Variants in PRDM16 observed in about 807,000 individuals in gnomAD.
The protein encoded by PRDM16 is histone-lysine N-methyltransferase PRDM16.
In PRDM16, 23 loss-of-function variants were observed where a neutral mutation model predicts 110.6. That is an observed-to-expected ratio of 0.21 (90% CI 0.15 to 0.29). The LOEUF is 0.29. PRDM16 is among the 10% of genes least tolerant of loss of function. The probability of loss-of-function intolerance (pLI) is 1.00; values close to 1 mark genes in which losing one functional copy is unlikely to be tolerated. For synonymous variants in PRDM16, 799 were observed against 781.8 expected (o/e 1.02, Z -0.37); for missense variants, 1,615 against 1,794.3 (o/e 0.90, Z 1.81).
chr1:3,424,642 C>T (rs989652924), intron 12 of PRDM16, among the ~76,000 whole-genome samples: 1 of 152,238 alleles, frequency 6.6e-6, no homozygotes, highest in African/African-American at 2.4e-5. Flanking sequence ...GTCTTTGTGT[C>T]CTTAATAGAG....
At chr1:3,275,916 A>G (rs1435816480) in intron 3 of PRDM16, among the ~76,000 whole-genome samples, 1 of 152,224 alleles carries the variant, frequency 6.6e-6, no homozygotes, top group African/African-American at 2.4e-5. Context: ...ATTGCGGCCA[A>G]GACCATGTTT....
chr1:3,069,414 G>C lies in PRDM16; in HGVS notation c.37+118G>C, dbSNP rs1410218980. 6.1e-6 allele frequency: 1 copy of C among 163,496 alleles called. No homozygotes were observed. Among genetic ancestry groups the C allele is most frequent in the African/African-American group, 2.5e-5 (1 of 40,260 alleles). The allele number at this position is 163,496 out of a possible 1,614,324, so 10.1% of individuals were successfully genotyped here. A position where few individuals can be genotyped will look rare whatever the true frequency, so the allele number is the denominator to read the frequency against. On this transcript the variant is annotated intron_variant, in intron 1 of 16. Transcript: ENST00000270722. This position sits in a 1 kb window ranked among gnomAD's most constrained non-coding sequence, Gnocchi z 6.1. ...GGCGCGCCTGCGGCTCCGGGCCCCC[G>C]GCTCGGCCGCGCGGCCCGGGGGGCT... is the stretch of plus-strand genomic sequence containing the variant.
intron 3 of PRDM16, among the ~76,000 whole-genome samples, chr1:3,259,858 C>T (rs186242828): frequency 6.6e-6 from 1 of 152,252 alleles, no homozygotes; most frequent in African/African-American, 2.4e-5. Context: ...CTGTCCCTCC[C>T]TCGTTAGTGC....
At chr1:3,268,090 G>T (rs1024349828) in intron 3 of PRDM16, among the ~76,000 whole-genome samples, 10 of 152,184 alleles carry the variant, frequency 6.6e-5, no homozygotes, top group African/African-American at 2.4e-4. Context: ...ATCTAACAGG[G>T]TGCCCGTTTG....
At chr1:3,312,943 G>A (rs1641499349) in intron 3 of PRDM16, among the ~76,000 whole-genome samples, 2 of 152,224 alleles carry the variant, frequency 1.3e-5, no homozygotes, top group Admixed American at 6.5e-5. Context: ...TTGGGCGTGC[G>A]TCTTCCAAAA....
intron 2 of PRDM16, among the ~76,000 whole-genome samples, chr1:3,223,136 A>G (rs1208241544): frequency 8.6e-6 from 1 of 116,792 alleles, no homozygotes; most frequent in Admixed American, 9.8e-5. Flanking sequence ...TTTGAGACAG[A>G]GTCTTGCTCT....
chr1:3,088,529 G>C (rs1055413459), intron 1 of PRDM16, among the ~76,000 whole-genome samples: 1 of 149,622 alleles, frequency 6.7e-6, no homozygotes, highest in Admixed American at 6.7e-5. Flanking sequence ...GCGGTGGCGC[G>C]ATCTCAGCTC....
At chr1:3,393,749 G>A (rs1643335499) in intron 4 of PRDM16, among the ~76,000 whole-genome samples, 1 of 152,214 alleles carries the variant, frequency 6.6e-6, no homozygotes, top group South Asian at 2.1e-4. Flanking sequence ...CTGCACCTCC[G>A]CGCCGCTGGC....
chr1:3,386,212 T>C lies in PRDM16; in HGVS notation c.573+926T>C, dbSNP rs1041416304. ...GTAGTCTGGTTTTTCCTGTAATATC[T>C]TGGGGTCATACATGAGATTTCATTT... On this transcript the variant is annotated intron_variant, in intron 4 of 16. Transcript: ENST00000270722. Among the ~76,000 whole-genome samples the C allele has an allele frequency of 1.2e-4, 18 of 151,852 alleles. 1 individual carries two copies. Among genetic ancestry groups the C allele is most frequent in the Admixed American group, 1.0e-3 (16 of 15,240 alleles).
Position 3,356,805 on chromosome 1 carries a change from G to A in PRDM16, c.439-28347G>A, listed in dbSNP as rs539750599. Among the ~76,000 whole-genome samples the A allele has an allele frequency of 2.0e-3, 311 of 152,292 alleles. 1 individual carries two copies. The highest frequency in any genetic ancestry group is 3.1e-3 in the Non-Finnish European group (209 of 68,028). ...CTCAGAGGTGAGAGTCCTGGAGACCGGGCCAGTGTGGCGGTTCCTTATCTC... is the reference window on the plus strand; with the variant it reads ...CTCAGAGGTGAGAGTCCTGGAGACCAGGCCAGTGTGGCGGTTCCTTATCTC... On this transcript the variant is annotated intron_variant, in intron 3 of 16. Transcript: ENST00000270722.
At chr1:3,140,475 C>T (rs1643527981) in intron 1 of PRDM16, among the ~76,000 whole-genome samples, 1 of 152,148 alleles carries the variant, frequency 6.6e-6, no homozygotes, top group South Asian at 2.1e-4. Flanking sequence ...CCACCCCTCG[C>T]CTGTCTCTGC....
chr1:3,413,451 A>T (rs1341924625), intron 9 of PRDM16, among the ~76,000 whole-genome samples: 2 of 151,990 alleles, frequency 1.3e-5, no homozygotes, highest in Non-Finnish European at 2.9e-5. Context: ...GGCGAGTTTA[A>T]TGCCACTCCC....
intron 1 of PRDM16, among the ~76,000 whole-genome samples, chr1:3,112,436 G>C (rs1044911730): frequency 1.3e-5 from 2 of 152,212 alleles, no homozygotes; most frequent in African/African-American, 4.8e-5. Context: ...CTTTTTTCAA[G>C]TAAGAGGAGC....
intron 3 of PRDM16, among the ~76,000 whole-genome samples, chr1:3,337,397 C>T (rs1231477432): frequency 6.6e-6 from 1 of 152,338 alleles, no homozygotes; most frequent in Middle Eastern, 3.4e-3. Context: ...AACTGCTGCT[C>T]CTGAGGCTGT....
chr1:3,327,505 C>G (rs900444905), intron 3 of PRDM16, among the ~76,000 whole-genome samples: 1 of 152,252 alleles, frequency 6.6e-6, no homozygotes, highest in African/African-American at 2.4e-5. Context: ...GCGGCGGCCC[C>G]GGGCAGGGAT....
chr1:3,285,770 C>G (rs1041450055), intron 3 of PRDM16, among the ~76,000 whole-genome samples: 1 of 152,084 alleles, frequency 6.6e-6, no homozygotes, highest in Non-Finnish European at 1.5e-5. Context: ...AGAGGAAAGC[C>G]CCCCCACCAC....
intron 2 of PRDM16, among the ~76,000 whole-genome samples, chr1:3,229,099 G>A (rs539111562): frequency 1.6e-4 from 25 of 152,358 alleles, no homozygotes; most frequent in African/African-American, 5.5e-4. Flanking sequence ...CTTGGGCAGA[G>A]CACCTCCCCA....
chr1:3,106,815 C>A (rs1303306309), intron 1 of PRDM16, among the ~76,000 whole-genome samples: 3 of 152,168 alleles, frequency 2.0e-5, no homozygotes, highest in African/African-American at 7.2e-5. Context: ...AAGGTAAGGG[C>A]AGAGGGCTGT....
chr1:3,137,138 T>C (rs1228423835), intron 1 of PRDM16, among the ~76,000 whole-genome samples: 3 of 152,136 alleles, frequency 2.0e-5, no homozygotes, highest in Non-Finnish European at 4.4e-5. Flanking sequence ...CTGGAGCCAC[T>C]CCCACCAGAA....
Sources: gnomAD v4.1 joint callset for allele counts (sites outside exome capture counted in the v4.1 genomes callset) on GRCh38, gnomAD v4.1.1 for gene constraint, Gnocchi (gnomAD v3.1) non-coding constraint, MANE v1.5 for transcripts, NCBI Gene and HGNC (gene_info 2026-07-23, HGNC 2026-07-21) for gene names.